ATP11B: variants seen among roughly 807,000 people sequenced by gnomAD.
ATP11B encodes phospholipid-transporting ATPase IF.
In ATP11B, 81 loss-of-function variants were observed where a neutral mutation model predicts 157.8. The observed-to-expected ratio is 0.51, with a 90% CI of 0.43 to 0.62. The LOEUF is 0.62. Among genes scored for constraint, ATP11B ranks in the 20% least tolerant of loss-of-function variants. The pLI, the probability that ATP11B is intolerant of heterozygous loss-of-function variation, is 0.00. For synonymous variants in ATP11B, 451 were observed against 469.4 expected (o/e 0.96, Z 0.51); for missense variants, 1,165 against 1,402.2 (o/e 0.83, Z 2.70).
At chr3:182,820,141 T>C (rs766540640) in intron 1 of ATP11B, 119 bp from the exon 2 acceptor site, 18 of 681,790 alleles carry the variant, frequency 2.6e-5, no homozygotes, top group Non-Finnish European at 4.4e-5. Flanking sequence ...TGAGTCTATA[T>C]GCATTTTAAG....
chr3:182,854,752 TACACACACACACACAC>T (rs71183649), intron 10 of ATP11B, among the ~76,000 whole-genome samples: 2,086 of 145,948 alleles, frequency 0.014, 44 homozygotes, highest in African/African-American at 0.045. Context: ...TGCATGTGTT[TACACACACACACACAC>T]ACACACACAC....
intron 12 of ATP11B, among the ~76,000 whole-genome samples, chr3:182,859,815 G>C (rs967727598): frequency 6.6e-6 from 1 of 151,998 alleles, no homozygotes; most frequent in Non-Finnish European, 1.5e-5. Context: ...TTTCCCAAGA[G>C]TTATTTGCTC....
chr3:182,856,432 G>A (rs1309320833), intron 10 of ATP11B, among the ~76,000 whole-genome samples: 1 of 152,158 alleles, frequency 6.6e-6, no homozygotes, highest in Non-Finnish European at 1.5e-5. Context: ...GTAGACATGA[G>A]CAAGAAAGAT....
chr3:182,793,710 A>G lies in ATP11B; in HGVS notation c.-50A>G. The G allele has an allele frequency of 7.4e-7, 1 of 1,346,294 alleles. No homozygotes were observed. The highest frequency in any genetic ancestry group is 9.8e-7 in the Non-Finnish European group (1 of 1,021,376). The allele number at this position is 1,346,294 out of a possible 1,614,324, so 83.4% of individuals were successfully genotyped here. Reference sequence around the variant, plus strand: ...CTCTGTCTTGTCGGCCTCCACCTGCAGCCCCGCGGCCCCCGCGCCCCGCGG... The same window carrying G: ...CTCTGTCTTGTCGGCCTCCACCTGCGGCCCCGCGGCCCCCGCGCCCCGCGG... On this transcript the variant is annotated 5_prime_UTR_variant, in exon 1 of 30. Transcript: ENST00000323116.
intron 28 of ATP11B, among the ~76,000 whole-genome samples, chr3:182,911,347 T>C (rs1281685316): frequency 3.6e-5 from 5 of 140,772 alleles, no homozygotes; most frequent in Non-Finnish European, 6.0e-5. Flanking sequence ...CTCCCACCAG[T>C]ACCACTAACA....
intron 19 of ATP11B, among the ~76,000 whole-genome samples, chr3:182,877,276 G>A (rs890818608): frequency 2.6e-5 from 4 of 152,228 alleles, no homozygotes; most frequent in Admixed American, 2.0e-4. Context: ...CAATGACTGT[G>A]TTGCCTCCTG....
intron 15 of ATP11B, among the ~76,000 whole-genome samples, chr3:182,868,067 A>G (rs187248190): frequency 2.0e-3 from 300 of 152,130 alleles, no homozygotes; most frequent in Admixed American, 3.4e-3. Context: ...TATTTCATCT[A>G]TATTTTAACT....
chr3:182,871,991 A>G lies in ATP11B; in HGVS notation c.1867-365A>G, dbSNP rs921220516. 2.6e-5 allele frequency among the ~76,000 whole-genome samples: 4 copies of G among 151,896 alleles called. 1 individual carries two copies. In the South Asian group the frequency reaches 8.3e-4, roughly 31 times the overall value. On this transcript the variant is annotated intron_variant, in intron 17 of 29. Coordinates refer to ENST00000323116, the MANE Select transcript of ATP11B (RefSeq NM_014616.3). ...CCACTATGCCCGCCCAATTTTTTGT[A>G]TTTTTAGTAGAGACTGGGTTTCACC... is the stretch of plus-strand genomic sequence containing the variant.
intron 29 of ATP11B, chr3:182,917,534 C>G (rs1054515830): frequency 1.0e-6 from 1 of 985,166 alleles, no homozygotes. Context: ...ATACATCATT[C>G]GCTACATTCA....
At chr3:182,878,241 G>A (rs865974967) in intron 19 of ATP11B, among the ~76,000 whole-genome samples, 3 of 152,138 alleles carry the variant, frequency 2.0e-5, no homozygotes, top group South Asian at 2.1e-4. Context: ...TTTAACTTAC[G>A]AAAGTTTCTT....
intron 10 of ATP11B, among the ~76,000 whole-genome samples, chr3:182,850,708 A>G (rs987244367): frequency 1.3e-5 from 2 of 152,336 alleles, no homozygotes; most frequent in Non-Finnish European, 1.5e-5. Context: ...CGTAATTACC[A>G]TATGATCCAA....
At chr3:182,916,048 G>A (rs1725121050) in intron 29 of ATP11B, 2 of 985,184 alleles carry the variant, frequency 2.0e-6, no homozygotes, top group African/African-American at 3.5e-5. Flanking sequence ...TTTTCTAGGG[G>A]ATAAAGTCAT....
At chr3:182,905,915 A>G (rs920201708) in intron 28 of ATP11B, 1 of 456,288 alleles carries the variant, frequency 2.2e-6, no homozygotes, top group African/African-American at 2.0e-5. Context: ...TGTTGCGTGC[A>G]CTAGGTAGTA....
intron 10 of ATP11B, among the ~76,000 whole-genome samples, chr3:182,852,273 C>T (rs145566865): frequency 5.3e-4 from 80 of 152,252 alleles, no homozygotes; most frequent in African/African-American, 1.8e-3. Context: ...CAAAGCCCAG[C>T]TTAGAGGGAA....
Position 182,835,350 on chromosome 3 carries a change from G to T in ATP11B, c.316-685G>T, listed in dbSNP as rs1028584494. Among the ~76,000 whole-genome samples, 4 of 152,232 alleles carry T rather than the reference G, an allele frequency of 2.6e-5. 1 individual carries two copies. Among genetic ancestry groups the T allele is most frequent in the Admixed American group, 1.3e-4 (2 of 15,286 alleles). On this transcript the variant is annotated intron_variant, in intron 4 of 29. Transcript: ENST00000323116. ...ATCTGCTCATTTTTTTCTACTTATT[G>T]TCTGTAATGCTCTGTGAATTTATAC...
At chr3:182,914,091 G>A in intron 29 of ATP11B, 97 bp downstream of exon 29, 1 of 1,549,878 alleles carries the variant, frequency 6.5e-7, no homozygotes, top group South Asian at 1.2e-5. Flanking sequence ...TCAGCAGCTG[G>A]TTTTACCAAC....
rs768416319 is a variant in ATP11B at position 182,879,568 on chromosome 3, G to A, written c.2325G>A (p.Glu775=). The A allele has an allele frequency of 8.1e-6, 13 of 1,614,014 alleles. No individual in the cohort carries two copies. Among genetic ancestry groups the A allele is most frequent in the Admixed American group, 3.3e-5 (2 of 60,010 alleles). Residue 775 remains glutamate, a synonymous_variant, in exon 20 of 30, where the codon GAG becomes GAA. Transcript: ENST00000323116. Reference sequence around the variant, plus strand: ...CCAGCCTATCTCTTGCACTCAGGGAGCATGAAAAACTATTTATGGAAGTTT... The same window carrying A: ...CCAGCCTATCTCTTGCACTCAGGGAACATGAAAAACTATTTATGGAAGTTT... ...DGTSLSLALR[E]HEKLFMEVCR...
intron 4 of ATP11B, chr3:182,833,646 A>C (rs1166455572): frequency 3.9e-5 from 6 of 152,166 alleles, no homozygotes; most frequent in African/African-American, 1.2e-4. Flanking sequence ...ATTTTAAAAG[A>C]TATTTTACCA....
In ATP11B at chr3:182,919,530, A is replaced by T. The variant is rs1190501882; in HGVS notation, c.*1426A>T. 1.3e-5 allele frequency: 2 copies of T among 152,554 alleles called. No individual in the cohort carries two copies. The highest frequency in any genetic ancestry group is 4.8e-5 in the African/African-American group (2 of 41,456). The allele number at this position is 152,554 out of a possible 1,614,324, so 9.5% of individuals were successfully genotyped here. A position where few individuals can be genotyped will look rare whatever the true frequency, so the allele number is the denominator to read the frequency against. ...AGTGATTATTAGCTTGAGAACTATT[A>T]CCCAGCTCTAAGCAAATAATGATTG... On this transcript the variant is annotated 3_prime_UTR_variant, in exon 30 of 30. Transcript: ENST00000323116.
Sources: gnomAD v4.1 joint callset for allele counts (sites outside exome capture counted in the v4.1 genomes callset) on GRCh38, gnomAD v4.1.1 for gene constraint, MANE v1.5 for transcripts, NCBI Gene and HGNC (gene_info 2026-07-23, HGNC 2026-07-21) for gene names.